Variants in TBC1D30 observed in about 807,000 individuals in gnomAD.
TBC1D30 encodes the protein TBC1 domain family member 30.
Under a neutral mutation model 63.2 loss-of-function variants are expected in TBC1D30, and 31 were observed. That is an observed-to-expected ratio of 0.49 (90% CI 0.37 to 0.66). TBC1D30 has a LOEUF of 0.66. TBC1D30 is among the 30% of genes least tolerant of loss of function. The pLI is 0.00. For missense variants in TBC1D30, 810 were observed against 953.6 expected (o/e 0.85, Z 1.98); for synonymous variants, 307 against 361.5 (o/e 0.85, Z 1.71).
exon 1 of TBC1D30, chr12:64,780,843 G>A: frequency 1.0e-6 from 1 of 998,352 alleles, no homozygotes; most frequent in South Asian, 3.9e-5. Context: ...GGCCGCCCGG[G>A]GCTCCGGACG....
intron 5 of TBC1D30, among the ~76,000 whole-genome samples, chr12:64,835,256 G>A (rs1306721108): frequency 6.6e-6 from 1 of 152,196 alleles, no homozygotes; most frequent in African/African-American, 2.4e-5. Context: ...CAGCAAAGGA[G>A]AGGGTCCTCC....
At chr12:64,850,924 G>A (rs577264658) in intron 8 of TBC1D30, among the ~76,000 whole-genome samples, 47 of 151,934 alleles carry the variant, frequency 3.1e-4, no homozygotes, top group Admixed American at 2.6e-4. Context: ...TTGGTTGGTA[G>A]GCTATTACTG....
chr12:64,856,014 G>T (rs565182114), intron 8 of TBC1D30, among the ~76,000 whole-genome samples: 23 of 152,310 alleles, frequency 1.5e-4, no homozygotes, highest in Middle Eastern at 3.4e-3. Context: ...ATAAAGAAAA[G>T]AAATTTAATT....
At chr12:64,799,092 C>T (rs1037512213) in intron 2 of TBC1D30, among the ~76,000 whole-genome samples, 6 of 151,886 alleles carry the variant, frequency 4.0e-5, no homozygotes, top group Non-Finnish European at 8.8e-5. Flanking sequence ...GGATCAGGCA[C>T]CTTTCTTAAG....
At chr12:64,770,629 C>G (rs950321058) in intron 1 of TBC1D30, among the ~76,000 whole-genome samples, 1 of 152,150 alleles carries the variant, frequency 6.6e-6, no homozygotes, top group African/African-American at 2.4e-5. Context: ...GACTTCCTAG[C>G]TTGGCATAAT....
intron 7 of TBC1D30, among the ~76,000 whole-genome samples, chr12:64,839,603 A>AT (rs1183785042): frequency 6.6e-6 from 1 of 152,238 alleles, no homozygotes; most frequent in African/African-American, 2.4e-5. Flanking sequence ...CAAAACTAGT[A>AT]AATCACTGGC....
In TBC1D30 at chr12:64,877,701, A is replaced by G. The variant is rs1879187434; in HGVS notation, c.*1913A>G. The stretch of plus-strand genomic sequence containing the variant: ...TACCACCCTCAGGGCCCAGAGACCC[A>G]CTGCATTTTCCAAAGTTAAGCAAAT... On this transcript the variant is annotated 3_prime_UTR_variant, in exon 12 of 12. Coordinates refer to ENST00000539867, the MANE Select transcript of TBC1D30 (RefSeq NM_015279.2). The G allele has an allele frequency of 6.6e-6, 1 of 152,240 alleles. No homozygotes were observed. Among genetic ancestry groups the G allele is most frequent in the African/African-American group, 2.4e-5 (1 of 41,460 alleles). The allele number at this position is 152,240 out of a possible 1,614,324, so 9.4% of individuals were successfully genotyped here.
At chr12:64,857,050 ACT>A in intron 8 of TBC1D30, among the ~76,000 whole-genome samples, 3 of 151,822 alleles carry the variant, frequency 2.0e-5, no homozygotes, top group Non-Finnish European at 4.4e-5. Flanking sequence ...CTGGGCCTGG[ACT>A]CAGAGACCCC....
chr12:64,838,515 T>C (rs1297289945), intron 6 of TBC1D30, among the ~76,000 whole-genome samples, 168 bp from the exon 7 acceptor site: 1 of 152,234 alleles, frequency 6.6e-6, no homozygotes, highest in Non-Finnish European at 1.5e-5. Flanking sequence ...ATACCTGTGT[T>C]CTTCCAGAAA....
chr12:64,850,302 A>G (rs1565676866), intron 8 of TBC1D30, among the ~76,000 whole-genome samples: 1 of 152,172 alleles, frequency 6.6e-6, no homozygotes, highest in African/African-American at 2.4e-5. Flanking sequence ...AGAACTTCTA[A>G]TACTGTGTTG....
chr12:64,806,638 A>G (rs564406513), intron 2 of TBC1D30, among the ~76,000 whole-genome samples: 453 of 152,326 alleles, frequency 3.0e-3, no homozygotes, highest in African/African-American at 0.01. Context: ...AAAAATAAAA[A>G]TAGAATTGCC....
chr12:64,793,431 G>T (rs1419943611), intron 2 of TBC1D30, among the ~76,000 whole-genome samples: 1 of 148,084 alleles, frequency 6.8e-6, no homozygotes, highest in Non-Finnish European at 1.5e-5. Context: ...GGATCATGAA[G>T]TCAGGAGTTC....
chr12:64,821,494 T>C (rs1317253459), upstream of TBC1D30, among the ~76,000 whole-genome samples: 1 of 152,144 alleles, frequency 6.6e-6, no homozygotes, highest in African/African-American at 2.4e-5. Context: ...CACAAAACCC[T>C]CTAAGATTTG....
chr12:64,815,362 G>C (rs189825462), intron 2 of TBC1D30, among the ~76,000 whole-genome samples: 2 of 152,008 alleles, frequency 1.3e-5, no homozygotes, highest in African/African-American at 4.8e-5. Context: ...AATAAAATTC[G>C]CAGCTACTTT....
At chr12:64,869,288 A>T (rs1158196751) in intron 10 of TBC1D30, among the ~76,000 whole-genome samples, 2 of 152,198 alleles carry the variant, frequency 1.3e-5, no homozygotes, top group Admixed American at 6.5e-5. Context: ...TTTGGAAGAT[A>T]GGAGCAGTGG....
At chr12:64,786,056 G>T in intron 2 of TBC1D30, 1 of 1,276,876 alleles carries the variant, frequency 7.8e-7, no homozygotes, top group South Asian at 1.2e-5. Context: ...GTAAGTACTG[G>T]AATTGGGTTA....
rs199611987 is a variant in TBC1D30 at position 64,843,429 on chromosome 12, C to T, written c.982C>T (p.Arg328Cys). The change falls in exon 8 of 12, where the codon CGC (arginine) becomes TGC (cysteine). Residue 328 changes from arginine (R) to cysteine (C), a missense_variant. This residue lies in a region of TBC1D30 where 83 missense variants were observed against 121.5 expected (regional missense o/e 0.68). Transcript: ENST00000539867. Reference sequence around the variant, plus strand: ...AGATGAATTCTACAGCACCATGGGGCGCCTTACCCAGGAGATGCTAGAGAA... The same window carrying T: ...AGATGAATTCTACAGCACCATGGGGTGCCTTACCCAGGAGATGCTAGAGAA... The part of the protein sequence containing the change: ...TADEFYSTMG[R>C]LTQEMLENDL... 49 of 1,536,146 alleles carry T rather than the reference C, an allele frequency of 3.2e-5. 1 individual carries two copies. In the African/African-American group the frequency reaches 6.0e-4, roughly 19 times the overall value.
At chr12:64,870,482 T>TC in intron 10 of TBC1D30, 120 bp from the exon 11 acceptor site, 1 of 771,316 alleles carries the variant, frequency 1.3e-6, no homozygotes, top group Non-Finnish European at 2.1e-6. Context: ...TGCGTTTTTT[T>TC]CTGTGGTTTA....
At chr12:64,833,458 A>G (rs1047193824) in intron 5 of TBC1D30, among the ~76,000 whole-genome samples, 1 of 152,122 alleles carries the variant, frequency 6.6e-6, no homozygotes, top group Non-Finnish European at 1.5e-5. Flanking sequence ...GAACCTTTAA[A>G]CTGCTCTTGA....
Sources: allele counts gnomAD v4.1 joint callset (sites outside exome capture counted in the v4.1 genomes callset), GRCh38; gene constraint gnomAD v4.1.1; regional missense constraint gnomAD v4.1.1; transcripts MANE v1.5; gene names NCBI Gene and HGNC (gene_info 2026-07-23, HGNC 2026-07-21).